The following ACCSL variants were observed in gnomAD, a reference collection of about 807,000 sequenced individuals.
The protein encoded by ACCSL is 1-aminocyclopropane-1-carboxylate synthase homolog (inactive) like.
Under a neutral mutation model 61.7 loss-of-function variants are expected in ACCSL, and 55 were observed. The observed-to-expected ratio is 0.89, with a 90% confidence interval of 0.72 to 1.12. The LOEUF is 1.12. Among genes scored for constraint, ACCSL ranks in the 50% most tolerant of loss-of-function variants. The pLI is 0.00. For missense variants in ACCSL, 632 were observed against 698.0 expected (o/e 0.91, Z 1.07); for synonymous variants, 258 against 264.3 (o/e 0.98, Z 0.23).
chr11:44,058,265 G>C, intron 11 of ACCSL, 52 bp from the exon 12 acceptor site: 1 of 1,588,554 alleles, frequency 6.3e-7, no homozygotes, highest in Non-Finnish European at 8.6e-7. Flanking sequence ...AGGAACTCTC[G>C]GTAGATTTCT....
At chr11:43,942,905 A>G in the ACCSL span, 2 of 1,387,462 alleles carry the variant, frequency 1.4e-6, no homozygotes, top group Non-Finnish European at 1.9e-6. Flanking sequence ...CGGAGGCGCC[A>G]TGGCCGCCAA....
the ACCSL span, among the ~76,000 whole-genome samples, chr11:44,042,026 A>G: frequency 6.6e-6 from 1 of 152,346 alleles, no homozygotes; most frequent in East Asian, 1.9e-4. Flanking sequence ...ACATTCTCAT[A>G]TAACCCCACT....
At chr11:43,980,446 C>T in the ACCSL span, among the ~76,000 whole-genome samples, 1 of 152,146 alleles carries the variant, frequency 6.6e-6, no homozygotes, top group Non-Finnish European at 1.5e-5. Context: ...CTTTAAAAAT[C>T]ATTGCCAATT....
At chr11:43,938,854 A>C in the ACCSL span, among the ~76,000 whole-genome samples, 1 of 152,192 alleles carries the variant, frequency 6.6e-6, no homozygotes, top group Non-Finnish European at 1.5e-5. Context: ...AGGACATCCT[A>C]AATAACAGAC....
the ACCSL span, among the ~76,000 whole-genome samples, chr11:43,935,723 G>A: frequency 8.4e-4 from 128 of 152,236 alleles, no homozygotes; most frequent in Middle Eastern, 3.4e-3. Context: ...AAACTCCCGG[G>A]CTCAAGTGAT....
At chr11:44,029,283 C>T in the ACCSL span, among the ~76,000 whole-genome samples, 2 of 152,270 alleles carry the variant, frequency 1.3e-5, no homozygotes, top group African/African-American at 4.8e-5. Flanking sequence ...CTCCAGCCAT[C>T]CAGCTTCTTG....
chr11:43,939,519 C>T, the ACCSL span, among the ~76,000 whole-genome samples: 1 of 152,132 alleles, frequency 6.6e-6, no homozygotes, highest in Non-Finnish European at 1.5e-5. Flanking sequence ...ACAACGGCCC[C>T]CCCTCCCCAC....
the ACCSL span, among the ~76,000 whole-genome samples, chr11:43,991,650 C>G: frequency 6.6e-6 from 1 of 152,110 alleles, no homozygotes; most frequent in Non-Finnish European, 1.5e-5. Flanking sequence ...AAAAATTAGC[C>G]GGGCCTGGTG....
intron 8 of ACCSL, 79 bp from the exon 9 acceptor site, chr11:44,055,123 G>A (rs920844925): frequency 1.0e-6 from 1 of 992,856 alleles, no homozygotes; most frequent in Admixed American, 2.1e-5. Flanking sequence ...AGATTACAAA[G>A]ATGCTTGTAA....
Position 44,048,242 on chromosome 11 carries a change from C to G in ACCSL, c.206C>G (p.Ala69Gly). 6.2e-7 allele frequency: 1 copy of G among 1,614,162 alleles called. No individual in the cohort carries two copies. Among genetic ancestry groups the G allele is most frequent in the Non-Finnish European group, 8.5e-7 (1 of 1,180,028 alleles). Residue 69 changes from alanine (A) to glycine (G), a missense_variant, in exon 1 of 14, where the codon GCC becomes GGC. By Grantham distance (60) the Ala-to-Gly change is moderately conservative (BLOSUM62 0). Transcript: ENST00000378832. The stretch of plus-strand genomic sequence containing the variant: ...ACTGAGGCCATCTGTGAGCATGAAG[C>G]CCTTCTGAGTCGCTTAATATGCCGG... ...RHTEAICEHE[A>G]LLSRLICRMI...
chr11:44,059,820 C>T lies in ACCSL; in HGVS notation c.1625-18C>T. On this transcript the variant is annotated intron_variant, in intron 13 of 13. Transcript: ENST00000378832. ...TACTAAATCACTATTTCTCTCTGTC[C>T]CCATTTGAACCCTCTAGCTATGCGT... The T allele has an allele frequency of 6.2e-7, 1 of 1,609,872 alleles. No homozygotes were observed. Among genetic ancestry groups the T allele is most frequent in the Non-Finnish European group, 8.5e-7 (1 of 1,177,202 alleles).
chr11:43,932,014 G>T, the ACCSL span, among the ~76,000 whole-genome samples: 1 of 152,198 alleles, frequency 6.6e-6, no homozygotes, highest in Non-Finnish European at 1.5e-5. Flanking sequence ...CGGGCTCTGG[G>T]ACCCCAAAAG....
chr11:43,960,721 C>T, the ACCSL span, among the ~76,000 whole-genome samples: 2 of 152,150 alleles, frequency 1.3e-5, no homozygotes, highest in African/African-American at 4.8e-5. Flanking sequence ...TGCAGTTTGT[C>T]TTTCCTCTTT....
At chr11:44,056,700 C>T (rs11825771) in intron 11 of ACCSL, among the ~76,000 whole-genome samples, 2,334 of 152,256 alleles carry the variant, frequency 0.015, 63 homozygotes, top group African/African-American at 0.053. Context: ...GGCATGCTGG[C>T]AAACGCCTGT....
the ACCSL span, chr11:43,944,366 G>C: frequency 6.3e-6 from 1 of 158,246 alleles, no homozygotes; most frequent in Non-Finnish European, 1.4e-5. Context: ...TGGGTTGGTC[G>C]AGAGTGTGGG....
At chr11:43,987,741 G>A in the ACCSL span, among the ~76,000 whole-genome samples, 2 of 152,156 alleles carry the variant, frequency 1.3e-5, no homozygotes, top group Non-Finnish European at 2.9e-5. Flanking sequence ...CGGAGACCTG[G>A]CCGACTTCCC....
the ACCSL span, among the ~76,000 whole-genome samples, chr11:43,946,682 A>C: frequency 6.6e-6 from 1 of 152,198 alleles, no homozygotes; most frequent in African/African-American, 2.4e-5. Flanking sequence ...TAGATACTCC[A>C]TATTTAATTA....
At chr11:43,994,437 G>A in the ACCSL span, among the ~76,000 whole-genome samples, 1 of 152,060 alleles carries the variant, frequency 6.6e-6, no homozygotes, top group African/African-American at 2.4e-5. Context: ...ATTCAATAGG[G>A]TTGGAATGTC....
At chr11:44,033,762 T>TA in the ACCSL span, among the ~76,000 whole-genome samples, 1 of 151,948 alleles carries the variant, frequency 6.6e-6, no homozygotes, top group African/African-American at 2.4e-5. Flanking sequence ...AGACCTTGTT[T>TA]GGGGGGAGAG....
Sources: gnomAD v4.1 joint callset for allele counts (sites outside exome capture counted in the v4.1 genomes callset) on GRCh38, gnomAD v4.1.1 for gene constraint, MANE v1.5 for transcripts, NCBI Gene and HGNC (gene_info 2026-07-23, HGNC 2026-07-21) for gene names.